TMEM232: variants seen among roughly 807,000 people sequenced by gnomAD.
TMEM232 encodes transmembrane protein 232.
In TMEM232, 80 loss-of-function variants were observed where a neutral mutation model predicts 78.8. The observed-to-expected ratio is 1.01, with a 90% CI of 0.85 to 1.22. TMEM232 has a LOEUF of 1.22. Among genes scored for constraint, TMEM232 ranks in the 50% most tolerant of loss-of-function variants. The probability of loss-of-function intolerance (pLI) is 0.00; values close to 1 mark genes in which losing one functional copy is unlikely to be tolerated. For synonymous variants in TMEM232, 297 were observed against 254.3 expected (o/e 1.17, Z -1.60); for missense variants, 881 against 742.2 (o/e 1.19, Z -2.17).
intron 10 of TMEM232, among the ~76,000 whole-genome samples, chr5:110,575,467 C>G (rs1421402974): frequency 6.6e-6 from 1 of 151,954 alleles, no homozygotes; most frequent in African/African-American, 2.4e-5. Flanking sequence ...ATTTCATGAT[C>G]TTTTCTAATT....
chr5:110,586,293 T>C (rs866655281), intron 10 of TMEM232, among the ~76,000 whole-genome samples: 146 of 152,120 alleles, frequency 9.6e-4, no homozygotes, highest in African/African-American at 3.4e-3. Context: ...TTTCCAATCA[T>C]ATCTTTTACA....
intron 12 of TMEM232, among the ~76,000 whole-genome samples, chr5:110,520,875 A>T (rs1769400112): frequency 6.6e-6 from 1 of 152,176 alleles, no homozygotes; most frequent in Non-Finnish European, 1.5e-5. Context: ...CCAAGATCGC[A>T]CCATTGCACT....
chr5:110,395,127 G>A (rs1246942212), intron 3 of TMEM232, among the ~76,000 whole-genome samples: 1 of 152,088 alleles, frequency 6.6e-6, no homozygotes, highest in African/African-American at 2.4e-5. Flanking sequence ...GAGATTTATT[G>A]TTGCTGTTCC....
rs1756020343 is a variant in TMEM232, at chr5:110,412,128, T to C, written n.308+12695A>G. The stretch of plus-strand genomic sequence containing the variant: ...AACAAATCCACTCAGTTTTCAAGGA[T>C]ATTAGTGTATAGTGAGAAAGGGGGG... On this transcript the variant is annotated intron_variant and non_coding_transcript_variant, in intron 2 of 8. Coordinates refer to the TMEM232 transcript ENST00000507188. 5.9e-5 allele frequency among the ~76,000 whole-genome samples: 9 copies of C among 152,242 alleles called. No homozygotes were observed. The South Asian group carries it at 1.9e-3, about 32-fold the overall frequency.
At chr5:110,671,519 T>C (rs970976125) in intron 1 of TMEM232, among the ~76,000 whole-genome samples, 9 of 152,042 alleles carry the variant, frequency 5.9e-5, no homozygotes, top group African/African-American at 1.2e-4. Flanking sequence ...CAATGATAGA[T>C]TGGATAAAGA....
intron 1 of TMEM232, among the ~76,000 whole-genome samples, chr5:110,681,318 T>C (rs1039485542): frequency 2.6e-5 from 4 of 152,116 alleles, no homozygotes; most frequent in African/African-American, 9.7e-5. Flanking sequence ...TCTATGGCAA[T>C]TGCTTCCGGG....
chr5:110,413,159 G>T (rs1290877613), intron 2 of TMEM232, among the ~76,000 whole-genome samples: 1 of 152,102 alleles, frequency 6.6e-6, no homozygotes, highest in Non-Finnish European at 1.5e-5. Flanking sequence ...AATCTAATCA[G>T]CTGCCAGTGC....
chr5:110,596,057 A>T (rs1038420710), intron 10 of TMEM232, among the ~76,000 whole-genome samples: 6 of 152,222 alleles, frequency 3.9e-5, no homozygotes, highest in African/African-American at 1.4e-4. Context: ...AGGGAAGCCC[A>T]TCAGACTAAC....
rs1770968016 is a variant in TMEM232, at chr5:110,528,685, G to GA, written c.1605dup (p.Leu536SerfsTer18). On this transcript the variant is annotated frameshift_variant, in exon 12 of 14. Transcript: ENST00000455884. LOFTEE classifies it high-confidence loss of function. ...TTTATTGATGGTTTCTTCAAAGGAA[G>GA]AAAATGGGCCTCAATGGGGGGAAAG... is the stretch of plus-strand genomic sequence containing the variant. 1.3e-6 allele frequency: 2 copies of GA among 1,535,130 alleles called. No homozygotes were observed. Among genetic ancestry groups the GA allele is most frequent in the Non-Finnish European group, 1.7e-6 (2 of 1,146,496 alleles).
Position 110,528,574 on chromosome 5 carries a change from G to C in TMEM232, c.1703+14C>G. 1 of 1,518,434 alleles carries C rather than the reference G, an allele frequency of 6.6e-7. No homozygotes were observed. The highest frequency in any genetic ancestry group is 8.8e-7 in the Non-Finnish European group (1 of 1,139,942). 94.1% of individuals were successfully genotyped at this position (1,518,434 alleles called of 1,614,324 possible). A position where few individuals can be genotyped will look rare whatever the true frequency, so the allele number is the denominator to read the frequency against. On this transcript the variant is annotated intron_variant, in intron 12 of 13. Transcript: ENST00000455884. ...ATGTATTAGAACAATAAAACCGATA[G>C]TACTTCTCTTTACCTTACAGTGAAA...
chr5:110,408,213 G>C lies in TMEM232; in HGVS notation n.309-10359C>G, dbSNP rs186073679. Reference sequence around the variant, plus strand: ...TAACAACCTAATGGTGCACCTCAAGGAATTAGAGAAGCAAGAACAAACCAA... The same window carrying C: ...TAACAACCTAATGGTGCACCTCAAGCAATTAGAGAAGCAAGAACAAACCAA... On this transcript the variant is annotated intron_variant and non_coding_transcript_variant, in intron 2 of 8. Coordinates refer to the TMEM232 transcript ENST00000507188. 3.3e-5 allele frequency among the ~76,000 whole-genome samples: 5 copies of C among 152,082 alleles called. No individual in the cohort carries two copies. The East Asian group carries it at 9.7e-4, about 29-fold the overall frequency.
Position 110,576,708 on chromosome 5 carries a change from T to G in TMEM232, c.1277-8083A>C, listed in dbSNP as rs190537095. ...AGATACATAGACCAATGGAACAGAA[T>G]AGAGAACCCAGAAATAAGACCACAC... On this transcript the variant is annotated intron_variant, in intron 10 of 13. Coordinates refer to ENST00000455884, the MANE Select transcript of TMEM232 (RefSeq NM_001039763.4). 2.6e-5 allele frequency among the ~76,000 whole-genome samples: 4 copies of G among 152,086 alleles called. No individual in the cohort carries two copies. In the East Asian group the frequency reaches 7.8e-4, roughly 30 times the overall value.
At chr5:110,480,963 ATG>A (rs1271080051) in intron 12 of TMEM232, among the ~76,000 whole-genome samples, 1 of 152,036 alleles carries the variant, frequency 6.6e-6, no homozygotes, top group Non-Finnish European at 1.5e-5. Flanking sequence ...TATATGATTA[ATG>A]TATACAATTT....
intron 1 of TMEM232, among the ~76,000 whole-genome samples, chr5:110,679,283 T>C (rs1454804256): frequency 1.3e-5 from 2 of 152,256 alleles, no homozygotes; most frequent in East Asian, 1.9e-4. Flanking sequence ...ACTTATGATA[T>C]AGAGTATCTT....
intron 11 of TMEM232, among the ~76,000 whole-genome samples, chr5:110,540,577 A>G (rs13171016): frequency 6.6e-6 from 1 of 152,196 alleles, no homozygotes. Flanking sequence ...TTAAAAGACC[A>G]ACTTCTCCCA....
At chr5:110,572,251 C>T (rs1777035718) in intron 10 of TMEM232, among the ~76,000 whole-genome samples, 1 of 151,894 alleles carries the variant, frequency 6.6e-6, no homozygotes, top group African/African-American at 2.4e-5. Flanking sequence ...GTTCAATGTC[C>T]TGTAGTTTGT....
At chr5:110,631,146 G>T (rs868341202) in intron 5 of TMEM232, among the ~76,000 whole-genome samples, 1 of 152,112 alleles carries the variant, frequency 6.6e-6, no homozygotes, top group South Asian at 2.1e-4. Flanking sequence ...AGCATTGCTG[G>T]ACACAAAGGT....
At chr5:110,493,722 G>C (rs1009681298) in intron 12 of TMEM232, among the ~76,000 whole-genome samples, 1 of 151,814 alleles carries the variant, frequency 6.6e-6, no homozygotes, top group Non-Finnish European at 1.5e-5. Context: ...TTGGGAAAAA[G>C]TACAGACACA....
At chr5:110,457,998 TTCA>T (rs1401787890) in intron 12 of TMEM232, among the ~76,000 whole-genome samples, 3 of 152,268 alleles carry the variant, frequency 2.0e-5, no homozygotes, top group Admixed American at 6.5e-5. Context: ...AAAAAGTTTT[TTCA>T]TCAATTATAT....
Sources: allele counts gnomAD v4.1 joint callset (sites outside exome capture counted in the v4.1 genomes callset), GRCh38; gene constraint gnomAD v4.1.1; transcripts MANE v1.5; gene names NCBI Gene and HGNC (gene_info 2026-07-23, HGNC 2026-07-21).